The following TMEM41B variants were observed in gnomAD, a reference collection of about 807,000 sequenced individuals.
TMEM41B encodes transmembrane protein 41B.
In TMEM41B, 18 loss-of-function variants were observed where a neutral mutation model predicts 31.9. That is an observed-to-expected ratio of 0.56 (90% CI 0.39 to 0.84). The LOEUF is 0.84. Ranked by LOEUF, TMEM41B falls within the 40% of genes least tolerant of loss-of-function variation. The probability of loss-of-function intolerance (pLI) is 0.00; values close to 1 mark genes in which losing one functional copy is unlikely to be tolerated. For missense variants in TMEM41B, 322 were observed against 348.0 expected, an observed-to-expected ratio of 0.93 and a Z score of 0.59; for synonymous variants, 144 against 124.3, an observed-to-expected ratio of 1.16 and a Z score of -1.05.
chr11:9,305,073 T>G (rs1853352743), intron 1 of TMEM41B, among the ~76,000 whole-genome samples: 1 of 152,202 alleles, frequency 6.6e-6, no homozygotes, highest in African/African-American at 2.4e-5. Flanking sequence ...ATTACTGGTA[T>G]GAGCCATAGA....
chr11:9,295,210 A>T, intron 3 of TMEM41B, 49 bp downstream of exon 3: 2 of 1,439,810 alleles, frequency 1.4e-6, no homozygotes, highest in Non-Finnish European at 1.9e-6. Flanking sequence ...GACCTTTTAC[A>T]CTTTTTCTTG....
intron 2 of TMEM41B, among the ~76,000 whole-genome samples, chr11:9,296,943 C>G (rs935216046): frequency 4.2e-4 from 63 of 151,116 alleles, no homozygotes; most frequent in African/African-American, 1.5e-3. Context: ...TATAGGCAGG[C>G]TCCCATGCTC....
Position 9,281,611 on chromosome 11 carries a change from T to C in TMEM41B, c.*1813A>G, listed in dbSNP as rs1377470602. On this transcript the variant is annotated 3_prime_UTR_variant, in exon 7 of 7. Transcript: ENST00000528080. The stretch of plus-strand genomic sequence containing the variant: ...TGAAGGTAAAACTGACAGAGTACTT[T>C]AGATCAGCTATGTCCTACAGTCAAG... The C allele has an allele frequency of 6.6e-6, 1 of 152,230 alleles. No homozygotes were observed. The highest frequency in any genetic ancestry group is 2.4e-5 in the African/African-American group (1 of 41,468). 9.4% of individuals were successfully genotyped at this position (152,230 alleles called of 1,614,324 possible).
chr11:9,296,424 G>A (rs865841985), intron 2 of TMEM41B, among the ~76,000 whole-genome samples: 2 of 151,498 alleles, frequency 1.3e-5, no homozygotes, highest in Admixed American at 6.6e-5. Flanking sequence ...TGAGGAGTTC[G>A]AGACCAGCCT....
Position 9,288,466 on chromosome 11 carries a change from T to C in TMEM41B, c.438A>G (p.Pro146=), listed in dbSNP as rs893680819. Residue 146 remains proline, a synonymous_variant, in exon 4 of 7, where the codon CCA becomes CCG. Coordinates refer to ENST00000528080, the MANE Select transcript of TMEM41B (RefSeq NM_015012.4). ...SILSGFLYPF[P]LALFLVCLCS... ...CCAAACAAACAAGAAATAAGGCTAG[T>C]GGAAAGGGATAAAGAAACCCTGAGA... The C allele has an allele frequency of 3.1e-6, 5 of 1,589,836 alleles. No homozygotes were observed. Among genetic ancestry groups the C allele is most frequent in the Non-Finnish European group, 4.3e-6 (5 of 1,172,484 alleles).
chr11:9,313,887 A>T (rs780029719), intron 1 of TMEM41B, among the ~76,000 whole-genome samples: 5 of 152,138 alleles, frequency 3.3e-5, no homozygotes, highest in Non-Finnish European at 5.9e-5. Context: ...TGCCACCTGG[A>T]AGTATTAAGT....
Position 9,314,514 on chromosome 11 carries a change from A to G in TMEM41B, c.-73T>C. 1.4e-6 allele frequency: 2 copies of G among 1,477,542 alleles called. No individual in the cohort carries two copies. Among genetic ancestry groups the G allele is most frequent in the South Asian group, 2.6e-5 (2 of 75,658 alleles). 91.5% of individuals were successfully genotyped at this position (1,477,542 alleles called of 1,614,324 possible). A position where few individuals can be genotyped will look rare whatever the true frequency, so the allele number is the denominator to read the frequency against. On this transcript the variant is annotated 5_prime_UTR_variant, in exon 1 of 7. Transcript: ENST00000528080. ...AACAAAACTCTGTTGCAGGCTCCTT[A>G]CTACGCCGAAGCGCCACGGCTAGAG...
intron 6 of TMEM41B, among the ~76,000 whole-genome samples, chr11:9,284,345 T>C (rs2133607188): frequency 6.6e-6 from 1 of 151,650 alleles, no homozygotes; most frequent in African/African-American, 2.4e-5. Flanking sequence ...AGAGGGGGTT[T>C]TGCCATATTG....
chr11:9,283,263 C>T lies in TMEM41B; in HGVS notation c.*161G>A. 1 of 586,926 alleles carries T rather than the reference C, an allele frequency of 1.7e-6. No individual in the cohort carries two copies. Among genetic ancestry groups the T allele is most frequent in the South Asian group, 2.5e-5 (1 of 40,658 alleles). 36.4% of individuals were successfully genotyped at this position (586,926 alleles called of 1,614,324 possible). A position where few individuals can be genotyped will look rare whatever the true frequency, so the allele number is the denominator to read the frequency against. On this transcript the variant is annotated 3_prime_UTR_variant, in exon 7 of 7. Coordinates refer to ENST00000528080, the MANE Select transcript of TMEM41B (RefSeq NM_015012.4). ...CCAATTTCCATTTTTACTTTCTTCT[C>T]CCCTTGTCACTTAAATGTATTACTT...
At position 9,283,305 on chromosome 11, in the gene TMEM41B, A is replaced by T; in HGVS notation, c.*119T>A. ...GTATTACTTTAACTATCTGATAGGA[A>T]ATTTTATTTTACAAATTCCTTGTTT... On this transcript the variant is annotated 3_prime_UTR_variant, in exon 7 of 7. Transcript: ENST00000528080. 2 of 807,116 alleles carry T rather than the reference A, an allele frequency of 2.5e-6. No homozygotes were observed. Among genetic ancestry groups the T allele is most frequent in the Non-Finnish European group, 3.7e-6 (2 of 534,310 alleles). 50.0% of individuals were successfully genotyped at this position (807,116 alleles called of 1,614,324 possible).
chr11:9,288,560 A>G (rs1196965621), intron 3 of TMEM41B, 25 bp from the exon 4 acceptor site: 2 of 1,472,682 alleles, frequency 1.4e-6, no homozygotes, highest in East Asian at 4.6e-5. Context: ...GTTAAGGATT[A>G]GAATATAATT....
At chr11:9,284,967 A>C (rs1215067586) in intron 6 of TMEM41B, among the ~76,000 whole-genome samples, 1 of 152,146 alleles carries the variant, frequency 6.6e-6, no homozygotes, top group African/African-American at 2.4e-5. Context: ...TAAAATGGAG[A>C]TAGAAACAAA....
rs924835525 is a variant in TMEM41B at position 9,283,257 on chromosome 11, T to C, written c.*167A>G. 3 of 567,292 alleles carry C rather than the reference T, an allele frequency of 5.3e-6. No individual in the cohort carries two copies. The highest frequency in any genetic ancestry group is 9.0e-6 in the Non-Finnish European group (3 of 334,552). The allele number at this position is 567,292 out of a possible 1,614,324, so 35.1% of individuals were successfully genotyped here. The stretch of plus-strand genomic sequence containing the variant: ...AGTATACCAATTTCCATTTTTACTT[T>C]CTTCTCCCCTTGTCACTTAAATGTA... On this transcript the variant is annotated 3_prime_UTR_variant, in exon 7 of 7. Coordinates refer to ENST00000528080, the MANE Select transcript of TMEM41B (RefSeq NM_015012.4).
Position 9,281,748 on chromosome 11 carries a change from A to G in TMEM41B, c.*1676T>C, listed in dbSNP as rs556614895. On this transcript the variant is annotated 3_prime_UTR_variant, in exon 7 of 7. Transcript: ENST00000528080. ...CAGTTAATTTTACTTTGTGAGTTAG[A>G]TAAAGTAAAGACTAAATTGGGAAAC... 8 of 152,340 alleles carry G rather than the reference A, an allele frequency of 5.3e-5. No homozygotes were observed. The highest frequency in any genetic ancestry group is 1.9e-4 in the African/African-American group (8 of 41,582). The allele number at this position is 152,340 out of a possible 1,614,324, so 9.4% of individuals were successfully genotyped here.
rs1056789915 is a variant in TMEM41B at position 9,313,022 on chromosome 11, G to A, written c.121+1299C>T. On this transcript the variant is annotated intron_variant, in intron 1 of 6. Transcript: ENST00000528080. ...GGTTTTATTTTTTGAATAGCTTTAG[G>A]TAAAAATCATGAATACAACTGGCTG... 9.9e-5 allele frequency among the ~76,000 whole-genome samples: 15 copies of A among 151,896 alleles called. 1 individual carries two copies. The highest frequency in any genetic ancestry group is 2.6e-4 in the Admixed American group (4 of 15,224).
chr11:9,307,469 A>C (rs1431866309), intron 1 of TMEM41B, among the ~76,000 whole-genome samples: 1 of 149,332 alleles, frequency 6.7e-6, no homozygotes, highest in Non-Finnish European at 1.5e-5. Flanking sequence ...TTTGAGATCG[A>C]GTTTCTCTTG....
chr11:9,295,417 C>G, intron 2 of TMEM41B, 30 bp from the exon 3 acceptor site: 1 of 1,372,884 alleles, frequency 7.3e-7, no homozygotes, highest in Non-Finnish European at 1.0e-6. Context: ...AATTTTAGAA[C>G]AGAATTTTGC....
Position 9,314,591 on chromosome 11 carries a change from T to G in TMEM41B, c.-150A>C. 9.4e-7 allele frequency: 1 copy of G among 1,066,524 alleles called. No homozygotes were observed. The highest frequency in any genetic ancestry group is 1.6e-5 in the African/African-American group (1 of 61,168). 66.1% of individuals were successfully genotyped at this position (1,066,524 alleles called of 1,614,324 possible). On this transcript the variant is annotated 5_prime_UTR_variant, in exon 1 of 7. Transcript: ENST00000528080. ...GAGACGACCTCAGCCCAGCGAGTAC[T>G]GCAACCTCCTGCAAACACCCGCAGC...
At chr11:9,310,461 GCTT>G (rs1273801268) in intron 1 of TMEM41B, among the ~76,000 whole-genome samples, 1 of 151,564 alleles carries the variant, frequency 6.6e-6, no homozygotes, top group Non-Finnish European at 1.5e-5. Flanking sequence ...TTAAAAAAAT[GCTT>G]ATTATTGATT....
Sources: allele counts gnomAD v4.1 joint callset (sites outside exome capture counted in the v4.1 genomes callset), GRCh38; gene constraint gnomAD v4.1.1; transcripts MANE v1.5; gene names NCBI Gene and HGNC (gene_info 2026-07-23, HGNC 2026-07-21).